PDE7B: variants seen among roughly 807,000 people sequenced by gnomAD.
PDE7B encodes the protein phosphodiesterase 7B, also known as 3',5'-cyclic-AMP phosphodiesterase 7B.
Under a neutral mutation model 56.2 loss-of-function variants are expected in PDE7B, and 29 were observed. The observed-to-expected ratio is 0.52, with a 90% CI of 0.38 to 0.70. PDE7B has a LOEUF of 0.70. Ranked by LOEUF, PDE7B falls within the 30% of genes least tolerant of loss-of-function variation. The pLI is 0.00. For missense variants in PDE7B, 490 were observed against 565.0 expected, an observed-to-expected ratio of 0.87 and a Z score of 1.35; for synonymous variants, 197 against 196.9, an observed-to-expected ratio of 1.00 and a Z score of 0.00.
intron 1 of PDE7B, among the ~76,000 whole-genome samples, chr6:135,877,592 T>C (rs1008470696): frequency 2.6e-5 from 4 of 152,138 alleles, no homozygotes; most frequent in African/African-American, 9.6e-5. Context: ...TCCTTCACTT[T>C]GGCTTCTAAT....
At chr6:136,158,627 G>A (rs1237289007) in intron 8 of PDE7B, among the ~76,000 whole-genome samples, 3 of 152,120 alleles carry the variant, frequency 2.0e-5, no homozygotes, top group Non-Finnish European at 4.4e-5. Flanking sequence ...CAGGGCAGCT[G>A]GAGTGAAGGC....
chr6:136,125,170 AC>A (rs1260391181), intron 3 of PDE7B, among the ~76,000 whole-genome samples: 1 of 152,204 alleles, frequency 6.6e-6, no homozygotes, highest in Admixed American at 6.5e-5. Context: ...TACAGAAACA[AC>A]CTTTTATCTT....
At chr6:136,113,087 A>G (rs1777774304) in intron 3 of PDE7B, among the ~76,000 whole-genome samples, 1 of 152,240 alleles carries the variant, frequency 6.6e-6, no homozygotes, top group Admixed American at 6.5e-5. Flanking sequence ...GATCTATTGT[A>G]TAATATTGTG....
At chr6:136,107,357 A>G (rs919278232) in intron 2 of PDE7B, among the ~76,000 whole-genome samples, 2 of 152,112 alleles carry the variant, frequency 1.3e-5, no homozygotes, top group Non-Finnish European at 2.9e-5. Flanking sequence ...CCAGAGATAC[A>G]TTATGTCTCA....
intron 3 of PDE7B, among the ~76,000 whole-genome samples, chr6:136,118,152 T>A (rs563793961): frequency 3.9e-5 from 6 of 152,138 alleles, no homozygotes; most frequent in Non-Finnish European, 8.8e-5. Flanking sequence ...GCTGAGTACA[T>A]CCCTCTCCAG....
chr6:135,950,145 A>C (rs1208598911), intron 2 of PDE7B, among the ~76,000 whole-genome samples: 1 of 152,178 alleles, frequency 6.6e-6, no homozygotes, highest in African/African-American at 2.4e-5. Context: ...AGAAAGAAGT[A>C]AAGTTTAATG....
At chr6:136,139,092 C>T (rs1472093850) in intron 3 of PDE7B, among the ~76,000 whole-genome samples, 3 of 151,986 alleles carry the variant, frequency 2.0e-5, no homozygotes, top group Non-Finnish European at 4.4e-5. Context: ...TAACATTAGG[C>T]ATATCTCCTA....
chr6:136,172,099 C>T (rs1360997876), intron 8 of PDE7B, among the ~76,000 whole-genome samples: 9 of 152,084 alleles, frequency 5.9e-5, no homozygotes, highest in African/African-American at 1.7e-4. Context: ...TATAAACATA[C>T]GTGTGCATGT....
chr6:135,860,537 G>A (rs1326805224), intron 1 of PDE7B, among the ~76,000 whole-genome samples: 1 of 151,906 alleles, frequency 6.6e-6, no homozygotes, highest in Non-Finnish European at 1.5e-5. Context: ...GCATAATTTG[G>A]CGACATTCAG....
At chr6:136,091,325 T>C (rs1777381672) in intron 2 of PDE7B, among the ~76,000 whole-genome samples, 1 of 152,162 alleles carries the variant, frequency 6.6e-6, no homozygotes, top group Non-Finnish European at 1.5e-5. Context: ...GAGGGGGAAA[T>C]TCCTGGCCAG....
At chr6:135,904,228 T>C (rs1776056721) in intron 1 of PDE7B, among the ~76,000 whole-genome samples, 1 of 152,192 alleles carries the variant, frequency 6.6e-6, no homozygotes, top group African/African-American at 2.4e-5. Context: ...CACCTGACCT[T>C]GTGGCAAGTC....
At chr6:135,951,973 A>T (rs1774710035) in intron 2 of PDE7B, among the ~76,000 whole-genome samples, 1 of 152,232 alleles carries the variant, frequency 6.6e-6, no homozygotes, top group South Asian at 2.1e-4. Context: ...CAACATAGGC[A>T]TAGAGGGACT....
rs955195303 is a variant in PDE7B, at chr6:136,070,932, C to T, written c.83-37799C>T. On this transcript the variant is annotated intron_variant, in intron 2 of 12. Coordinates refer to ENST00000308191, the MANE Select transcript of PDE7B (RefSeq NM_018945.4). ...TTGAGGTTTTGAAAAATCTCCACCACCCCATCAAGTGCCCTACTTTTCATG... is the reference window on the plus strand; with the variant it reads ...TTGAGGTTTTGAAAAATCTCCACCATCCCATCAAGTGCCCTACTTTTCATG... Among the ~76,000 whole-genome samples, 4 of 152,102 alleles carry T rather than the reference C, an allele frequency of 2.6e-5. No individual in the cohort carries two copies. In the South Asian group the frequency reaches 6.2e-4, roughly 24 times the overall value.
At chr6:135,946,521 G>T (rs1020366462) in intron 1 of PDE7B, among the ~76,000 whole-genome samples, 1 of 151,910 alleles carries the variant, frequency 6.6e-6, no homozygotes, top group African/African-American at 2.4e-5. Flanking sequence ...ATTCCATCCC[G>T]CAATGTGTGA....
chr6:135,948,879 ATAG>A (rs1774639460), intron 2 of PDE7B, among the ~76,000 whole-genome samples: 1 of 146,484 alleles, frequency 6.8e-6, no homozygotes, highest in African/African-American at 2.7e-5. Context: ...AGATAGATAG[ATAG>A]ATAGATAGAT....
intron 1 of PDE7B, among the ~76,000 whole-genome samples, chr6:135,854,569 T>C (rs530490887): frequency 9.2e-5 from 14 of 152,308 alleles, no homozygotes; most frequent in African/African-American, 3.1e-4. Context: ...ATGTGAGGTC[T>C]CTCTCACAGC....
chr6:135,934,109 C>T (rs1774346042), intron 1 of PDE7B, among the ~76,000 whole-genome samples: 1 of 152,138 alleles, frequency 6.6e-6, no homozygotes, highest in South Asian at 2.1e-4. Context: ...AATTAAAACT[C>T]ATGTCAATGA....
intron 1 of PDE7B, among the ~76,000 whole-genome samples, chr6:135,863,237 A>C (rs1775185161): frequency 6.6e-6 from 1 of 151,996 alleles, no homozygotes; most frequent in Non-Finnish European, 1.5e-5. Flanking sequence ...TGAAAGAGGT[A>C]TATTTAAAAA....
chr6:136,034,575 C>CT (rs1356150031), intron 2 of PDE7B: 1 of 152,248 alleles, frequency 6.6e-6, no homozygotes, highest in Non-Finnish European at 1.5e-5. Flanking sequence ...CGGGGCTCAC[C>CT]TTTGTCCAGC....
Sources: gnomAD v4.1 joint callset for allele counts (sites outside exome capture counted in the v4.1 genomes callset) on GRCh38, gnomAD v4.1.1 for gene constraint, MANE v1.5 for transcripts, NCBI Gene and HGNC (gene_info 2026-07-23, HGNC 2026-07-21) for gene names.